Variants in PRKN observed in about 807,000 individuals in gnomAD.
PRKN encodes E3 ubiquitin-protein ligase parkin.
In PRKN, 56 loss-of-function variants were observed where a neutral mutation model predicts 59.5. The ratio of observed to expected loss-of-function variants is 0.94; its 90% CI spans 0.76 to 1.18. The LOEUF is 1.18. Among genes scored for constraint, PRKN ranks in the 50% most tolerant of loss-of-function variants. The probability of loss-of-function intolerance (pLI) is 0.00; values close to 1 mark genes in which losing one functional copy is unlikely to be tolerated. For synonymous variants in PRKN, 250 were observed against 222.1 expected (o/e 1.13, Z -1.12); for missense variants, 657 against 596.4 (o/e 1.10, Z -1.06).
chr6:161,918,347 G>C (rs1778653200), intron 6 of PRKN, among the ~76,000 whole-genome samples: 1 of 152,184 alleles, frequency 6.6e-6, no homozygotes, highest in South Asian at 2.1e-4. Context: ...CTTTGTTAAA[G>C]AGTTATTGTC....
At chr6:161,961,645 C>T (rs1443124224) in intron 6 of PRKN, among the ~76,000 whole-genome samples, 1 of 152,098 alleles carries the variant, frequency 6.6e-6, no homozygotes, top group Non-Finnish European at 1.5e-5. Flanking sequence ...AGAGAGTGTC[C>T]CCGTCGACGG....
In PRKN at chr6:161,977,544, T is replaced by G. The variant is rs868396592; in HGVS notation, c.619-4127A>C. On this transcript the variant is annotated intron_variant, in intron 5 of 11. Coordinates refer to ENST00000366898, the MANE Select transcript of PRKN (RefSeq NM_004562.3). ...CTTCTCTACTTTCTGTTTTTTTGGT[T>G]TTTTTTTTTTTTTTTTTTTTTAAGA... 8.2e-5 allele frequency among the ~76,000 whole-genome samples: 7 copies of G among 85,706 alleles called. No individual in the cohort carries two copies. The East Asian group carries it at 1.1e-3, about 14-fold the overall frequency. The allele number at this position is 85,706 out of a possible 152,430, so 56.2% of individuals were successfully genotyped here.
chr6:162,398,400 T>G (rs1787589184), intron 2 of PRKN, among the ~76,000 whole-genome samples: 2 of 148,354 alleles, frequency 1.3e-5, no homozygotes. Flanking sequence ...TTTTTGTTTT[T>G]TTTTTTTGAG....
intron 7 of PRKN, among the ~76,000 whole-genome samples, chr6:161,609,810 G>A (rs1237851631): frequency 6.6e-6 from 1 of 152,166 alleles, no homozygotes; most frequent in Non-Finnish European, 1.5e-5. Flanking sequence ...CCTGGGGGCT[G>A]GACTACGGTT....
chr6:161,653,313 G>A lies in PRKN; in HGVS notation c.872-83897C>T, dbSNP rs1784218625. The stretch of plus-strand genomic sequence containing the variant: ...CAGGAGGCGGAGGTTGCAGTGAGCC[G>A]AGATCACGCCACTGCACTCCAGCCT... On this transcript the variant is annotated intron_variant, in intron 7 of 11. Coordinates refer to ENST00000366898, the MANE Select transcript of PRKN (RefSeq NM_004562.3). Among the ~76,000 whole-genome samples the A allele has an allele frequency of 3.3e-5, 5 of 152,280 alleles. No homozygotes were observed. The South Asian group carries it at 8.3e-4, about 25-fold the overall frequency.
At chr6:161,765,276 C>T (rs1274323584) in intron 7 of PRKN, among the ~76,000 whole-genome samples, 2 of 152,176 alleles carry the variant, frequency 1.3e-5, no homozygotes, top group Non-Finnish European at 2.9e-5. Flanking sequence ...TCTTCCTTGT[C>T]TCTGAACCCG....
At chr6:161,810,829 A>G (rs1791529235) in intron 6 of PRKN, among the ~76,000 whole-genome samples, 1 of 152,188 alleles carries the variant, frequency 6.6e-6, no homozygotes, top group African/African-American at 2.4e-5. Context: ...AACACGATGT[A>G]TGCTATAGCA....
intron 1 of PRKN, among the ~76,000 whole-genome samples, chr6:162,519,607 CTTCT>C (rs1392262587): frequency 6.6e-6 from 1 of 152,156 alleles, no homozygotes; most frequent in African/African-American, 2.4e-5. Flanking sequence ...ATAATACTGA[CTTCT>C]TTCTGAGGCC....
chr6:162,640,916 G>C (rs1161058844), intron 1 of PRKN, among the ~76,000 whole-genome samples: 2 of 152,094 alleles, frequency 1.3e-5, no homozygotes, highest in Non-Finnish European at 2.9e-5. Context: ...TTGCTTGATG[G>C]TAAGACTCAT....
rs927175152 is a variant in PRKN, at chr6:161,554,073, G to A, written c.934-5070C>T. Among the ~76,000 whole-genome samples the A allele has an allele frequency of 6.6e-6, 1 of 152,152 alleles. No individual in the cohort carries two copies. ...CTCTCAGTTCTCACTTTGAAGGACA[G>A]GTATCTCAGAACTACAAGGTTTTTA... On this transcript the variant is annotated intron_variant, in intron 8 of 11. Coordinates refer to ENST00000366898, the MANE Select transcript of PRKN (RefSeq NM_004562.3). This position sits in a 1 kb window ranked among gnomAD's most constrained non-coding sequence, Gnocchi z 4.5.
rs201062917 is a variant in PRKN, at chr6:162,570,103, G to GA, written c.8-126631dup. 2.7e-4 allele frequency among the ~76,000 whole-genome samples: 41 copies of GA among 152,098 alleles called. 1 individual carries two copies. The highest frequency in any genetic ancestry group is 2.3e-3 in the East Asian group (12 of 5,192). ...ACAAGGAGCTCAAACAATGCTATAG[G>GA]AAAAAAATATATAATAATCTGATCA... On this transcript the variant is annotated intron_variant, in intron 1 of 11. Transcript: ENST00000366898.
rs1006537118 is a variant in PRKN, at chr6:161,402,915, T to A, written c.1084-16038A>T. ...TGTCCACGTACTCATCTTCCCCGGC[T>A]GACACAATTCCCTGGGAGGGGATTC... On this transcript the variant is annotated intron_variant, in intron 9 of 11. Coordinates refer to ENST00000366898, the MANE Select transcript of PRKN (RefSeq NM_004562.3). The surrounding 1 kb of genome is among the most constrained non-coding windows in gnomAD (Gnocchi z 4.5). Among the ~76,000 whole-genome samples, 4 of 152,166 alleles carry A rather than the reference T, an allele frequency of 2.6e-5. No homozygotes were observed. The highest frequency in any genetic ancestry group is 2.9e-5 in the Non-Finnish European group (2 of 68,034).
intron 7 of PRKN, among the ~76,000 whole-genome samples, chr6:161,603,408 A>G (rs1782173528): frequency 6.6e-6 from 1 of 152,246 alleles, no homozygotes; most frequent in Admixed American, 6.5e-5. Flanking sequence ...TTAGCCAATT[A>G]CATAATTTAT....
chr6:161,532,191 T>TATATAA (rs1365274194), intron 9 of PRKN, among the ~76,000 whole-genome samples: 17 of 141,946 alleles, frequency 1.2e-4, no homozygotes, highest in African/African-American at 4.5e-4. Flanking sequence ...TATATATATA[T>TATATAA]AATCTATCTA....
chr6:161,674,676 T>C (rs534689434), intron 7 of PRKN, among the ~76,000 whole-genome samples: 1 of 152,352 alleles, frequency 6.6e-6, no homozygotes, highest in East Asian at 1.9e-4. Context: ...CTGACATTTA[T>C]GATCAGAACT....
rs188329351 is a variant in PRKN at position 162,432,333 on chromosome 6, C to T, written c.171+10977G>A. 2.8e-3 allele frequency among the ~76,000 whole-genome samples: 422 copies of T among 152,204 alleles called. 10 individuals carry two copies. The highest frequency in any genetic ancestry group is 0.018 in the Admixed American group (270 of 15,278). ...ATGAGGTCAGGAGTTCAAAACCATC[C>T]TGGCCAACATGGTAACACTCCAACT... On this transcript the variant is annotated intron_variant, in intron 2 of 11. Transcript: ENST00000366898.
At chr6:161,657,272 C>T (rs1477150560) in intron 7 of PRKN, among the ~76,000 whole-genome samples, 1 of 152,238 alleles carries the variant, frequency 6.6e-6, no homozygotes, top group Admixed American at 6.5e-5. Context: ...GCCGCCACTT[C>T]TCATGTAGAT....
intron 9 of PRKN, among the ~76,000 whole-genome samples, chr6:161,537,830 A>G (rs1271884880): frequency 6.6e-6 from 1 of 152,206 alleles, no homozygotes; most frequent in East Asian, 1.9e-4. Context: ...ACATTCTGCA[A>G]GTGGACTGGG....
chr6:161,931,691 A>G (rs1779176164), intron 6 of PRKN, among the ~76,000 whole-genome samples: 1 of 152,218 alleles, frequency 6.6e-6, no homozygotes, highest in South Asian at 2.1e-4. Context: ...TTCTGAAAGA[A>G]AGCAAAGGGT....
Sources: allele counts gnomAD v4.1 joint callset (sites outside exome capture counted in the v4.1 genomes callset), GRCh38; gene constraint gnomAD v4.1.1; non-coding constraint Gnocchi (gnomAD v3.1); transcripts MANE v1.5; gene names NCBI Gene and HGNC (gene_info 2026-07-23, HGNC 2026-07-21).